The following STAG1 variants were observed in gnomAD, a reference collection of about 807,000 sequenced individuals.
The protein encoded by STAG1 is cohesin subunit SA-1.
A neutral mutation model predicts 170.9 loss-of-function variants in STAG1; 26 were observed. The ratio of observed to expected loss-of-function variants is 0.15; its 90% CI spans 0.11 to 0.21. The LOEUF is 0.21. STAG1 is among the 10% of genes least tolerant of loss of function. The pLI is 1.00. For synonymous variants in STAG1, 514 were observed against 497.7 expected, an observed-to-expected ratio of 1.03 and a Z score of -0.44; for missense variants, 964 against 1,509.5, an observed-to-expected ratio of 0.64 and a Z score of 5.99.
At chr3:136,376,745 T>C (rs1318064169) in intron 23 of STAG1, among the ~76,000 whole-genome samples, 4 of 152,074 alleles carry the variant, frequency 2.6e-5, no homozygotes, top group Non-Finnish European at 1.5e-5. Flanking sequence ...TAAAAGGGTA[T>C]GTCATATGTC....
intron 1 of STAG1, among the ~76,000 whole-genome samples, chr3:136,633,994 A>T (rs1433881765): frequency 1.4e-5 from 2 of 143,018 alleles, no homozygotes; most frequent in African/African-American, 5.2e-5. Context: ...AAAAAAAATT[A>T]GCCAGGCATG....
intron 1 of STAG1, among the ~76,000 whole-genome samples, chr3:136,644,549 T>C (rs943671043): frequency 1.3e-5 from 2 of 152,198 alleles, no homozygotes; most frequent in Admixed American, 6.5e-5. Context: ...AAAACTGTTA[T>C]ACTAAGTACA....
intron 1 of STAG1, among the ~76,000 whole-genome samples, chr3:136,707,751 C>T (rs1390832433): frequency 6.6e-6 from 1 of 152,094 alleles, no homozygotes; most frequent in Non-Finnish European, 1.5e-5. Context: ...ACACTCTTGC[C>T]GGAATTAATC....
intron 4 of STAG1, among the ~76,000 whole-genome samples, chr3:136,600,866 GTTTGTTTTGTTTTGTTTTGTTTTGT>G (rs147103499): frequency 1.4e-5 from 2 of 146,504 alleles, no homozygotes; most frequent in East Asian, 2.0e-4. Context: ...TTGTTTGTTT[GTTTGTTTTGTTTTGTTTTGTTTTGT>G]TTTGTTTTGT....
At chr3:136,574,896 C>T (rs2107770398) in intron 4 of STAG1, among the ~76,000 whole-genome samples, 1 of 152,244 alleles carries the variant, frequency 6.6e-6, no homozygotes, top group East Asian at 1.9e-4. Context: ...CAAGAATATT[C>T]ACCAAAATAA....
intron 10 of STAG1, among the ~76,000 whole-genome samples, chr3:136,474,852 G>T (rs1391010889): frequency 6.6e-6 from 1 of 152,068 alleles, no homozygotes; most frequent in African/African-American, 2.4e-5. Flanking sequence ...ATGGACCACG[G>T]TTTACTAGAA....
chr3:136,522,921 T>G (rs190131313), intron 6 of STAG1, among the ~76,000 whole-genome samples: 82 of 152,236 alleles, frequency 5.4e-4, no homozygotes, highest in Non-Finnish European at 4.1e-4. Context: ...TGGCTGCATA[T>G]TATTCCACAG....
intron 1 of STAG1, among the ~76,000 whole-genome samples, chr3:136,744,145 T>C (rs986272828): frequency 6.6e-6 from 1 of 152,124 alleles, no homozygotes; most frequent in Admixed American, 6.6e-5. Context: ...CTGACCAACA[T>C]AGAGAAACCC....
intron 1 of STAG1, among the ~76,000 whole-genome samples, chr3:136,640,467 C>G (rs1377362336): frequency 6.6e-6 from 1 of 151,588 alleles, no homozygotes; most frequent in Non-Finnish European, 1.5e-5. Flanking sequence ...CTCCCGGGTT[C>G]AAGCGATTCT....
intron 1 of STAG1, among the ~76,000 whole-genome samples, chr3:136,659,626 T>C (rs1201316367): frequency 6.6e-6 from 1 of 152,198 alleles, no homozygotes; most frequent in African/African-American, 2.4e-5. Context: ...TACTTCGTAA[T>C]AAAAGGAATG....
chr3:136,377,072 C>T (rs1203771592), intron 23 of STAG1, among the ~76,000 whole-genome samples: 1 of 150,004 alleles, frequency 6.7e-6, no homozygotes, highest in Non-Finnish European at 1.5e-5. Context: ...CCACTGCGCC[C>T]GGCCATTCTG....
intron 9 of STAG1, among the ~76,000 whole-genome samples, chr3:136,492,483 G>C (rs551589584): frequency 6.6e-6 from 1 of 152,246 alleles, no homozygotes; most frequent in East Asian, 1.9e-4. Flanking sequence ...CTGCATGACG[G>C]AGCCAAGATG....
intron 16 of STAG1, among the ~76,000 whole-genome samples, chr3:136,433,011 C>T (rs1472900848): frequency 6.6e-6 from 1 of 151,948 alleles, no homozygotes; most frequent in Non-Finnish European, 1.5e-5. Flanking sequence ...TTTCCAGAGC[C>T]CTGATGTAAT....
chr3:136,381,037 GA>G (rs58810961), intron 22 of STAG1, among the ~76,000 whole-genome samples: 397 of 104,992 alleles, frequency 3.8e-3, no homozygotes, highest in Middle Eastern at 0.026. Flanking sequence ...AAAAAAAAAA[GA>G]AAAAAAAAAA....
chr3:136,370,696 T>C (rs1161101613), intron 23 of STAG1, among the ~76,000 whole-genome samples: 1 of 152,222 alleles, frequency 6.6e-6, no homozygotes, highest in Non-Finnish European at 1.5e-5. Flanking sequence ...GAACTCATCA[T>C]TTTTTATGGC....
At chr3:136,432,977 G>T (rs1341186070) in intron 16 of STAG1, among the ~76,000 whole-genome samples, 3 of 148,634 alleles carry the variant, frequency 2.0e-5, no homozygotes, top group South Asian at 2.1e-4. Context: ...CCCAATGTGT[G>T]TTTTTTTTTT....
chr3:136,503,638 AAACTG>A (rs2107869043), intron 7 of STAG1, among the ~76,000 whole-genome samples: 1 of 152,332 alleles, frequency 6.6e-6, no homozygotes, highest in East Asian at 1.9e-4. Context: ...GTTATTAAAA[AAACTG>A]AACTGTTCAG....
intron 5 of STAG1, among the ~76,000 whole-genome samples, chr3:136,545,237 G>T (rs111391026): frequency 3.0e-4 from 46 of 152,026 alleles, no homozygotes; most frequent in African/African-American, 1.1e-3. Flanking sequence ...AACACAATAA[G>T]TTTTGTATTT....
intron 1 of STAG1, among the ~76,000 whole-genome samples, chr3:136,738,317 C>T (rs1431855321): frequency 6.6e-6 from 1 of 151,952 alleles, no homozygotes; most frequent in African/African-American, 2.4e-5. Context: ...ATGGTGAAAC[C>T]CCATCTCTAC....
Sources: gnomAD v4.1 joint callset for allele counts (sites outside exome capture counted in the v4.1 genomes callset) on GRCh38, gnomAD v4.1.1 for gene constraint, MANE v1.5 for transcripts, NCBI Gene and HGNC (gene_info 2026-07-23, HGNC 2026-07-21) for gene names.